Variants in TSKS observed in about 807,000 individuals in gnomAD.
The protein encoded by TSKS is testis-specific serine kinase substrate.
TSKS carries 27 observed loss-of-function variants against 68.0 expected under a neutral mutation model. The observed-to-expected ratio is 0.40, with a 90% CI of 0.29 to 0.55. The LOEUF (loss-of-function observed/expected upper bound fraction) is 0.55, where lower values mean the gene tolerates loss of function less well. TSKS is among the 20% of genes least tolerant of loss of function. TSKS has a pLI of 0.53. For missense variants in TSKS, 806 were observed against 776.0 expected, an observed-to-expected ratio of 1.04 and a Z score of -0.46; for synonymous variants, 331 against 340.4, an observed-to-expected ratio of 0.97 and a Z score of 0.30.
intron 2 of TSKS, among the ~76,000 whole-genome samples, chr19:49,761,720 G>A (rs1459565261): frequency 6.6e-6 from 1 of 151,950 alleles, no homozygotes; most frequent in African/African-American, 2.4e-5. Flanking sequence ...TCCCAGCACT[G>A]TGGGAGGCCG....
chr19:49,753,493 C>T (rs1197149929), intron 2 of TSKS, among the ~76,000 whole-genome samples: 2 of 151,102 alleles, frequency 1.3e-5, no homozygotes, highest in Admixed American at 6.6e-5. Context: ...ACCCGGGAGG[C>T]GGAGCTTGCA....
At chr19:49,754,890 G>C (rs1185923236) in intron 2 of TSKS, among the ~76,000 whole-genome samples, 1 of 152,084 alleles carries the variant, frequency 6.6e-6, no homozygotes, top group Non-Finnish European at 1.5e-5. Context: ...ACGAGGTCAA[G>C]AGATCAAGAA....
chr19:49,746,827 G>A (rs765882698), intron 5 of TSKS, 29 bp from the exon 6 acceptor site: 1 of 1,585,558 alleles, frequency 6.3e-7, no homozygotes, highest in Admixed American at 1.7e-5. Flanking sequence ...CGGGGTCACA[G>A]CGTCCAGCCG....
intron 2 of TSKS, among the ~76,000 whole-genome samples, chr19:49,754,492 C>T (rs1046215338): frequency 1.3e-5 from 2 of 150,840 alleles, no homozygotes; most frequent in African/African-American, 4.9e-5. Flanking sequence ...GAGTGAGACT[C>T]CATCTCAAAA....
chr19:49,758,792 C>T (rs1017192697), intron 2 of TSKS, among the ~76,000 whole-genome samples: 9 of 152,138 alleles, frequency 5.9e-5, no homozygotes, highest in African/African-American at 2.2e-4. Context: ...TTGTCTTGGT[C>T]CTGCTTCTTA....
intron 2 of TSKS, among the ~76,000 whole-genome samples, chr19:49,760,288 T>C (rs2084429552): frequency 6.6e-6 from 1 of 151,916 alleles, no homozygotes; most frequent in Admixed American, 6.6e-5. Context: ...TTGCACAACA[T>C]TGTGAGACCC....
At chr19:49,745,154 A>C in intron 7 of TSKS, 48 bp downstream of exon 7, 1 of 1,492,304 alleles carries the variant, frequency 6.7e-7, no homozygotes, top group South Asian at 1.3e-5. Flanking sequence ...TCAGGTTGGG[A>C]TTGCCCTGCC....
In TSKS at chr19:49,739,812, G is replaced by T. The variant is rs942413843; in HGVS notation, c.1743C>A (p.Thr581=). 6.3e-7 allele frequency: 1 copy of T among 1,589,762 alleles called. No homozygotes were observed. The highest frequency in any genetic ancestry group is 8.6e-7 in the Non-Finnish European group (1 of 1,158,808). Residue 581 remains threonine, a synonymous_variant, in exon 11 of 11, where the codon ACC becomes ACA. Transcript: ENST00000246801. ...GGGCTGAGCCCCCCTGTTTTGGGGG[G>T]GTTCCTGCACTGCTGCCTCCCCCCA... The part of the protein sequence containing the change: ...GTMGGGSSAG[T]PPKQGGSAPE...
At position 49,739,795 on chromosome 19, in the gene TSKS, C is replaced by G. The variant is rs767418792; in HGVS notation, c.1760G>C (p.Gly587Ala). 1 of 1,503,642 alleles carries G rather than the reference C, an allele frequency of 6.7e-7. No homozygotes were observed. The highest frequency in any genetic ancestry group is 1.1e-5 in the South Asian group (1 of 87,938). The allele number at this position is 1,503,642 out of a possible 1,614,324, so 93.1% of individuals were successfully genotyped here. A position where few individuals can be genotyped will look rare whatever the true frequency, so the allele number is the denominator to read the frequency against. Residue 587 changes from glycine to alanine, a missense_variant, in exon 11 of 11, where the codon GGC becomes GCC. Coordinates refer to ENST00000246801, the MANE Select transcript of TSKS (RefSeq NM_021733.2). The part of the protein sequence containing the change: ...SSAGTPPKQG[G>A]SAPEQ ...GGCCATTTATTGTTCAGGGGCTGAG[C>G]CCCCCTGTTTTGGGGGGGTTCCTGC...
Position 49,739,890 on chromosome 19 carries a change from G to A in TSKS, c.1665C>T (p.Cys555=), listed in dbSNP as rs201250046. The change falls in exon 11 of 11, where the codon TGC becomes TGT. Residue 555 remains cysteine (C), a synonymous_variant. Coordinates refer to ENST00000246801, the MANE Select transcript of TSKS (RefSeq NM_021733.2). ...GGTTGCTGAGATGATCGTGGAGGGA[G>A]CACATCTTCAAGTGTAGATGGTCCA... is the stretch of plus-strand genomic sequence containing the variant. The part of the protein sequence containing the change: ...ATLDHLHLKM[C]SLHDHLSNLP... The A allele has an allele frequency of 1.2e-6, 2 of 1,613,894 alleles. No homozygotes were observed. Among genetic ancestry groups the A allele is most frequent in the South Asian group, 1.1e-5 (1 of 91,080 alleles).
Position 49,746,646 on chromosome 19 carries a change from G to A in TSKS, c.816C>T (p.Ser272=). ...QKPEAGLSWN[S]LGPAATSQGC... ...CCTGGGACGTGGCGGCGGGGCCCAG[G>A]CTGTTCCAGGAGAGGCCAGCCTCCG... Residue 272 remains serine (S), a synonymous_variant, in exon 6 of 11, where the codon AGC becomes AGT. Transcript: ENST00000246801. 1 of 1,608,240 alleles carries A rather than the reference G, an allele frequency of 6.2e-7. No homozygotes were observed. Among genetic ancestry groups the A allele is most frequent in the Non-Finnish European group, 8.5e-7 (1 of 1,179,546 alleles).
intron 2 of TSKS, among the ~76,000 whole-genome samples, chr19:49,754,381 C>A (rs1019812931): frequency 1.3e-5 from 2 of 151,734 alleles, no homozygotes; most frequent in African/African-American, 4.8e-5. Context: ...CACCTGTAAT[C>A]CCAGCTACTG....
At position 49,763,188 on chromosome 19, in the gene TSKS, G is replaced by A. The variant is rs755108906; in HGVS notation, c.60C>T (p.Asp20=). 6.3e-7 allele frequency: 1 copy of A among 1,587,434 alleles called. No individual in the cohort carries two copies. Among genetic ancestry groups the A allele is most frequent in the Non-Finnish European group, 8.6e-7 (1 of 1,167,540 alleles). ...WQSKEIHEAG[D]TPTGVESCSQ... ...AGCAGCTCTCCACCCCCGTGGGGGTGTCCCCGGCCTCATGGATCTCTTTGG... is the reference window on the plus strand; with the variant it reads ...AGCAGCTCTCCACCCCCGTGGGGGTATCCCCGGCCTCATGGATCTCTTTGG... Residue 20 remains aspartate, a synonymous_variant, in exon 1 of 11, where the codon GAC becomes GAT. Transcript: ENST00000246801. The surrounding 1 kb of genome is among the most constrained non-coding windows in gnomAD (Gnocchi z 4.5).
At chr19:49,751,899 C>CAAAAAAAAA (rs61310693) in intron 2 of TSKS, among the ~76,000 whole-genome samples, 7 of 41,680 alleles carry the variant, frequency 1.7e-4, no homozygotes, top group African/African-American at 2.3e-4. Context: ...CCCAACTCTA[C>CAAAAAAAAA]AAAAAAAAAA....
At chr19:49,740,655 G>A (rs528151528) in intron 9 of TSKS, among the ~76,000 whole-genome samples, 142 of 134,906 alleles carry the variant, frequency 1.1e-3, no homozygotes, top group African/African-American at 3.8e-3. Flanking sequence ...AGGTCGACAC[G>A]GGTGGATCAC....
rs747199999 is a variant in TSKS, at chr19:49,763,060, A to G, written c.170+18T>C. 1.9e-5 allele frequency: 31 copies of G among 1,607,282 alleles called. No individual in the cohort carries two copies. The highest frequency in any genetic ancestry group is 2.5e-5 in the Non-Finnish European group (30 of 1,176,674). On this transcript the variant is annotated intron_variant, in intron 1 of 10. Transcript: ENST00000246801. The surrounding 1 kb of genome is among the most constrained non-coding windows in gnomAD (Gnocchi z 4.5). ...GCTGGGCATTAGAACCATCCCTGAC[A>G]GTGTGCAACAAACCCACCCGTGGAA...
At chr19:49,745,073 G>A (rs1272652419) in intron 7 of TSKS, 129 bp downstream of exon 7, 8 of 893,422 alleles carry the variant, frequency 9.0e-6, no homozygotes, top group South Asian at 4.2e-5. Flanking sequence ...GGTGTTTCCC[G>A]ATGTCGGTAT....
At position 49,759,216 on chromosome 19, in the gene TSKS, A is replaced by G. The variant is rs111812421; in HGVS notation, c.399+2788T>C. ...CCGGGAGCGGTGGCTCATGCCTGTAATCCCAGCAGTTTGGGAGGCTGAGGC... is the reference window on the plus strand; with the variant it reads ...CCGGGAGCGGTGGCTCATGCCTGTAGTCCCAGCAGTTTGGGAGGCTGAGGC... On this transcript the variant is annotated intron_variant, in intron 2 of 10. Transcript: ENST00000246801. 2.6e-5 allele frequency among the ~76,000 whole-genome samples: 4 copies of G among 151,120 alleles called. 1 individual carries two copies. Among genetic ancestry groups the G allele is most frequent in the African/African-American group, 9.7e-5 (4 of 41,352 alleles).
At position 49,756,479 on chromosome 19, in the gene TSKS, A is replaced by C. The variant is rs181410285; in HGVS notation, c.399+5525T>G. 3.0e-3 allele frequency among the ~76,000 whole-genome samples: 463 copies of C among 151,996 alleles called. 5 individuals are homozygous for C. The highest frequency in any genetic ancestry group is 9.6e-3 in the African/African-American group (397 of 41,440). On this transcript the variant is annotated intron_variant, in intron 2 of 10. Coordinates refer to ENST00000246801, the MANE Select transcript of TSKS (RefSeq NM_021733.2). Reference sequence around the variant, plus strand: ...GTCTCTAAAAACAAATAAATGTTACATACCATATTAATAGAATAAAAGGGA... The same window carrying C: ...GTCTCTAAAAACAAATAAATGTTACCTACCATATTAATAGAATAAAAGGGA...
Sources: allele counts gnomAD v4.1 joint callset (sites outside exome capture counted in the v4.1 genomes callset), GRCh38; gene constraint gnomAD v4.1.1; non-coding constraint Gnocchi (gnomAD v3.1); transcripts MANE v1.5; gene names NCBI Gene and HGNC (gene_info 2026-07-23, HGNC 2026-07-21).